PYY: variants seen among roughly 807,000 people sequenced by gnomAD.
The protein encoded by PYY is peptide YY.
In PYY, 12 loss-of-function variants were observed where a neutral mutation model predicts 10.3. The ratio of observed to expected loss-of-function variants is 1.17; its 90% CI spans 0.75 to 1.89. The LOEUF is 1.89. Ranked by LOEUF, PYY falls within the 40% of genes most tolerant of loss-of-function variation. The pLI is 0.00. For missense variants in PYY, 141 were observed against 134.0 expected, an observed-to-expected ratio of 1.05 and a Z score of -0.26; for synonymous variants, 66 against 62.0, an observed-to-expected ratio of 1.06 and a Z score of -0.30.
chr17:43,976,350 TATACATGTATACATATACGTATATACAC>T (rs1184709417), intron 1 of PYY, among the ~76,000 whole-genome samples: 3 of 148,506 alleles, frequency 2.0e-5, no homozygotes, highest in African/African-American at 5.1e-5. Context: ...TATATACACA[TATACATGTATACATATACGTATATACAC>T]ATACATGTAT....
chr17:43,953,786 C>T lies in PYY; in HGVS notation c.-1+64G>A, dbSNP rs1597840997. ...ACCACTCACCCCCAGCTTCCACCAT[C>T]CCAGCCTCAGTTTCCCCACAAAACA... On this transcript the variant is annotated intron_variant, in intron 1 of 3. Transcript: ENST00000692052. 1.1e-5 allele frequency: 3 copies of T among 263,598 alleles called. No homozygotes were observed. In the East Asian group the frequency reaches 2.0e-4, roughly 18 times the overall value. 16.3% of individuals were successfully genotyped at this position (263,598 alleles called of 1,614,324 possible).
intron 1 of PYY, among the ~76,000 whole-genome samples, chr17:43,993,253 G>A (rs1485377833): frequency 6.6e-6 from 1 of 152,126 alleles, no homozygotes; most frequent in Non-Finnish European, 1.5e-5. Flanking sequence ...GAGGTCAGGA[G>A]ATCGAGACCA....
chr17:43,984,936 A>G (rs2048906751), intron 1 of PYY, among the ~76,000 whole-genome samples: 1 of 152,226 alleles, frequency 6.6e-6, no homozygotes. Context: ...AAAGTTGTAG[A>G]AAAGTTGTTA....
chr17:43,963,128 T>G (rs1276689925), intron 2 of PYY, among the ~76,000 whole-genome samples: 1 of 152,184 alleles, frequency 6.6e-6, no homozygotes, highest in Non-Finnish European at 1.5e-5. Context: ...GAAGCCTCCT[T>G]CTGAAAATTC....
intron 1 of PYY, among the ~76,000 whole-genome samples, chr17:44,001,992 T>C (rs994144677): frequency 1.3e-5 from 2 of 152,222 alleles, no homozygotes; most frequent in East Asian, 3.9e-4. Flanking sequence ...CAGTGGATTC[T>C]GAGAAGTGTG....
At chr17:44,003,870 G>A (rs2049050031) in intron 1 of PYY, among the ~76,000 whole-genome samples, 1 of 151,310 alleles carries the variant, frequency 6.6e-6, no homozygotes, top group African/African-American at 2.4e-5. Flanking sequence ...TGCATTTGTG[G>A]TCCCAGCTAC....
At chr17:43,963,502 C>A in intron 2 of PYY, among the ~76,000 whole-genome samples, 1 of 67,986 alleles carries the variant, frequency 1.5e-5, no homozygotes, top group Non-Finnish European at 3.0e-5. Flanking sequence ...AGTGAAACTC[C>A]ATCTCAAAAA....
Position 43,953,351 on chromosome 17 carries a change from G to A in PYY, c.133C>T (p.Leu45=), listed in dbSNP as rs1032692553. The A allele has an allele frequency of 3.7e-6, 6 of 1,612,466 alleles. No individual in the cohort carries two copies. Among genetic ancestry groups the A allele is most frequent in the Non-Finnish European group, 5.1e-6 (6 of 1,179,424 alleles). The change falls in exon 2 of 4, where the codon CTG becomes TTG. Residue 45 remains leucine (L), a synonymous_variant. Transcript: ENST00000692052. The part of the protein sequence containing the change: ...APREDASPEE[L]NRYYASLRHY... The stretch of plus-strand genomic sequence containing the variant: ...CGCAGGGAGGCGTAGTAGCGGTTCA[G>A]CTCCTCCGGCGAGGCGTCTTCGCGG...
chr17:43,959,592 G>A (rs1048809027), intron 2 of PYY, among the ~76,000 whole-genome samples: 4 of 152,246 alleles, frequency 2.6e-5, no homozygotes, highest in African/African-American at 9.6e-5. Flanking sequence ...TGAGGCAGGA[G>A]AATCACTTGA....
rs559255702 is a variant in PYY at position 43,970,142 on chromosome 17, C to T, written c.-462-3610G>A. 3.4e-5 allele frequency among the ~76,000 whole-genome samples: 5 copies of T among 145,240 alleles called. No individual in the cohort carries two copies. The East Asian group carries it at 6.2e-4, about 18-fold the overall frequency. On this transcript the variant is annotated intron_variant, in intron 1 of 6. Transcript: ENST00000360085. ...CTTAAACCCAGGAGTGTGAGGTTAC[C>T]GTGAGCCATGATCACACCACTGTAC...
intron 1 of PYY, among the ~76,000 whole-genome samples, chr17:43,989,848 AT>A (rs2048943883): frequency 2.6e-3 from 3 of 1,150 alleles, no homozygotes; most frequent in Non-Finnish European, 3.8e-3. Context: ...AAAAAAATAT[AT>A]ATATATATAT....
rs540579418 is a variant in PYY, at chr17:43,953,554, G to A, written c.1-71C>T. On this transcript the variant is annotated intron_variant, in intron 1 of 3. Coordinates refer to ENST00000692052, the MANE Select transcript of PYY (RefSeq NM_001394028.1). ...TACACGGCGGGAGGCTGCGGCTGCC[G>A]TCGGGGCCGCGCTCCGACGCTCTCC... 4 of 1,396,134 alleles carry A rather than the reference G, an allele frequency of 2.9e-6. No homozygotes were observed. In the African/African-American group the frequency reaches 4.4e-5, roughly 15 times the overall value. The allele number at this position is 1,396,134 out of a possible 1,614,324, so 86.5% of individuals were successfully genotyped here.
intron 1 of PYY, among the ~76,000 whole-genome samples, chr17:43,976,276 T>TATACACATATGCATGTATAC (rs1217188677): frequency 1.4e-5 from 2 of 146,252 alleles, no homozygotes; most frequent in African/African-American, 5.1e-5. Flanking sequence ...CATGTACGTA[T>TATACACATATGCATGTATAC]ATATACGCAT....
At chr17:43,957,064 GGC>G (rs2048677148), upstream of PYY, among the ~76,000 whole-genome samples, 2 of 152,004 alleles carry the variant, frequency 1.3e-5, no homozygotes, top group African/African-American at 2.4e-5. Flanking sequence ...CAAGCGTCGT[GGC>G]GCATGCCTGT....
chr17:43,997,904 T>C (rs927430364), intron 1 of PYY, among the ~76,000 whole-genome samples: 1 of 151,638 alleles, frequency 6.6e-6, no homozygotes, highest in Admixed American at 6.6e-5. Context: ...ACATAGGGTA[T>C]GAAAAAAAAA....
intron 1 of PYY, among the ~76,000 whole-genome samples, chr17:43,997,081 C>G (rs1166570586): frequency 6.6e-6 from 1 of 152,018 alleles, no homozygotes. Context: ...TCTCTGTCAC[C>G]AGGCTGGAGT....
intron 1 of PYY, among the ~76,000 whole-genome samples, chr17:43,982,691 T>C (rs1391373803): frequency 6.6e-6 from 1 of 152,186 alleles, no homozygotes; most frequent in Non-Finnish European, 1.5e-5. Flanking sequence ...TTCAAGCTCA[T>C]GAAATGTCAT....
At chr17:43,958,919 C>T (rs1237598851), upstream of PYY, among the ~76,000 whole-genome samples, 3 of 152,080 alleles carry the variant, frequency 2.0e-5, no homozygotes, top group Non-Finnish European at 2.9e-5. Flanking sequence ...TTGCAAACTA[C>T]GTTAAATGCT....
intron 1 of PYY, among the ~76,000 whole-genome samples, chr17:43,992,034 T>C (rs868156024): frequency 3.5e-5 from 5 of 141,948 alleles, no homozygotes; most frequent in African/African-American, 1.3e-4. Context: ...GGCAGGAGAA[T>C]GGCGTGAACC....
Sources: gnomAD v4.1 joint callset for allele counts (sites outside exome capture counted in the v4.1 genomes callset) on GRCh38, gnomAD v4.1.1 for gene constraint, MANE v1.5 for transcripts, NCBI Gene and HGNC (gene_info 2026-07-23, HGNC 2026-07-21) for gene names.